Variants in PRKCA observed in about 807,000 individuals in gnomAD.
The protein encoded by PRKCA is protein kinase C alpha, also known as protein kinase C alpha type.
PRKCA carries 27 observed loss-of-function variants against 87.0 expected under a neutral mutation model. The observed-to-expected ratio is 0.31, with a 90% CI of 0.23 to 0.43. The LOEUF (loss-of-function observed/expected upper bound fraction) is 0.43. PRKCA is among the 20% of genes least tolerant of loss of function. The pLI is 1.00. For synonymous variants in PRKCA, 329 were observed against 311.1 expected (o/e 1.06, Z -0.61); for missense variants, 518 against 852.3 (o/e 0.61, Z 4.88).
intron 2 of PRKCA, among the ~76,000 whole-genome samples, chr17:66,387,609 C>T (rs1910134176): frequency 1.3e-5 from 2 of 152,146 alleles, no homozygotes; most frequent in African/African-American, 4.8e-5. Context: ...CAATAGAAGC[C>T]GTAGGCTGGG....
intron 5 of PRKCA, among the ~76,000 whole-genome samples, chr17:66,657,969 G>A (rs1464261640): frequency 6.6e-6 from 1 of 152,156 alleles, no homozygotes; most frequent in African/African-American, 2.4e-5. Flanking sequence ...GGATACTATG[G>A]TGCATTAGTC....
intron 3 of PRKCA, among the ~76,000 whole-genome samples, chr17:66,606,623 C>A (rs1480621022): frequency 1.3e-5 from 2 of 152,118 alleles, no homozygotes; most frequent in Non-Finnish European, 2.9e-5. Context: ...TGTAATATTT[C>A]TCACATATTT....
chr17:66,679,417 G>A (rs889286688), intron 5 of PRKCA, among the ~76,000 whole-genome samples: 3 of 152,012 alleles, frequency 2.0e-5, no homozygotes, highest in Non-Finnish European at 2.9e-5. Flanking sequence ...TCCTGACCTC[G>A]TGATCCACCC....
At chr17:66,393,837 G>C (rs1910510103) in intron 2 of PRKCA, among the ~76,000 whole-genome samples, 1 of 152,106 alleles carries the variant, frequency 6.6e-6, no homozygotes, top group Non-Finnish European at 1.5e-5. Flanking sequence ...ACTTTCGGAA[G>C]CCAACGTGGG....
intron 3 of PRKCA, among the ~76,000 whole-genome samples, chr17:66,500,480 G>T (rs1179134561): frequency 6.6e-6 from 1 of 152,156 alleles, no homozygotes; most frequent in Non-Finnish European, 1.5e-5. Flanking sequence ...CCATTTTTCT[G>T]CAAATCCCAG....
At chr17:66,656,496 AGATTAATTGC>A (rs1354093634) in intron 5 of PRKCA, among the ~76,000 whole-genome samples, 1 of 150,262 alleles carries the variant, frequency 6.7e-6, no homozygotes, top group Non-Finnish European at 1.5e-5. Context: ...TTTAAGCACA[AGATTAATTGC>A]TGTGAAATTA....
At position 66,689,751 on chromosome 17, in the gene PRKCA, C is replaced by A. The variant is rs965909804; in HGVS notation, c.918+704C>A. On this transcript the variant is annotated intron_variant, in intron 8 of 16. Coordinates refer to ENST00000413366, the MANE Select transcript of PRKCA (RefSeq NM_002737.3). This position sits in a 1 kb window ranked among gnomAD's most constrained non-coding sequence, Gnocchi z 4.1. ...ACGGTTCTTTTCTGTAAGCACCTTC[C>A]TTATGTTTTAAAGGCACAACTTCTA... is the stretch of plus-strand genomic sequence containing the variant. Among the ~76,000 whole-genome samples the A allele has an allele frequency of 3.3e-5, 5 of 152,158 alleles. No homozygotes were observed. The highest frequency in any genetic ancestry group is 1.2e-4 in the African/African-American group (5 of 41,442).
At chr17:66,636,319 C>G (rs1192987155) in intron 3 of PRKCA, among the ~76,000 whole-genome samples, 1 of 152,230 alleles carries the variant, frequency 6.6e-6, no homozygotes, top group African/African-American at 2.4e-5. Flanking sequence ...TTCCATGCTC[C>G]TGCATCCCAT....
chr17:66,693,165 C>A (rs968151310), intron 8 of PRKCA, among the ~76,000 whole-genome samples: 8 of 152,204 alleles, frequency 5.3e-5, no homozygotes, highest in Non-Finnish European at 8.8e-5. Context: ...GTGACTGGAG[C>A]TCTTAGGAGC....
At chr17:66,331,237 C>T (rs1340883821) in intron 2 of PRKCA, among the ~76,000 whole-genome samples, 2 of 152,094 alleles carry the variant, frequency 1.3e-5, no homozygotes, top group Admixed American at 6.5e-5. Context: ...GACTGTATCT[C>T]GTGCTTCCTG....
intron 2 of PRKCA, among the ~76,000 whole-genome samples, chr17:66,413,894 A>G (rs1337102036): frequency 6.6e-6 from 1 of 151,988 alleles, no homozygotes; most frequent in Non-Finnish European, 1.5e-5. Flanking sequence ...GGCACCTGTA[A>G]TCTCAGCTAC....
chr17:66,744,043 C>G (rs1974217003), intron 13 of PRKCA, among the ~76,000 whole-genome samples: 1 of 152,086 alleles, frequency 6.6e-6, no homozygotes, highest in African/African-American at 2.4e-5. Flanking sequence ...CTAGTAGACC[C>G]TCCATAGTCA....
At chr17:66,734,334 G>A (rs569237793) in intron 9 of PRKCA, among the ~76,000 whole-genome samples, 71 of 152,340 alleles carry the variant, frequency 4.7e-4, no homozygotes, top group Admixed American at 1.7e-3. Context: ...TTTCTTGATC[G>A]TATGCTAAAC....
chr17:66,532,344 A>G (rs570525558), intron 3 of PRKCA, among the ~76,000 whole-genome samples: 2 of 103,610 alleles, frequency 1.9e-5, no homozygotes, highest in African/African-American at 7.5e-5. Flanking sequence ...ATAAGCATTT[A>G]TTCATCCTTG....
At chr17:66,671,481 G>A (rs1972182037) in intron 5 of PRKCA, among the ~76,000 whole-genome samples, 1 of 152,118 alleles carries the variant, frequency 6.6e-6, no homozygotes, top group South Asian at 2.1e-4. Flanking sequence ...TAGTTAATAT[G>A]TCCAAGGTGC....
chr17:66,569,478 A>C (rs543570212), intron 3 of PRKCA, among the ~76,000 whole-genome samples: 190 of 152,298 alleles, frequency 1.2e-3, no homozygotes, highest in Non-Finnish European at 2.1e-3. Flanking sequence ...CTGAGACAGG[A>C]GAATCGCTTG....
intron 2 of PRKCA, among the ~76,000 whole-genome samples, chr17:66,346,376 C>G (rs1347004243): frequency 2.0e-5 from 3 of 151,688 alleles, no homozygotes; most frequent in Non-Finnish European, 4.4e-5. Flanking sequence ...AGATTACAGG[C>G]CTGAGCCACC....
rs1375009135 is a variant in PRKCA at position 66,685,462 on chromosome 17, G to A, written c.530-1649G>A. On this transcript the variant is annotated intron_variant, in intron 5 of 16. Transcript: ENST00000413366. ...TTCTTAGGAGAAGAAATACTTGGAAGGCACAAATGGGGTATGACAAACTAT... is the reference window on the plus strand; with the variant it reads ...TTCTTAGGAGAAGAAATACTTGGAAAGCACAAATGGGGTATGACAAACTAT... Among the ~76,000 whole-genome samples the A allele has an allele frequency of 4.6e-5, 7 of 152,312 alleles. No homozygotes were observed. In the East Asian group the frequency reaches 1.4e-3, roughly 29 times the overall value.
At chr17:66,314,600 A>G (rs1905212846) in intron 2 of PRKCA, among the ~76,000 whole-genome samples, 1 of 152,148 alleles carries the variant, frequency 6.6e-6, no homozygotes, top group Admixed American at 6.5e-5. Flanking sequence ...CATGAGCAAT[A>G]GTAGATCCAT....
Sources: allele counts gnomAD v4.1 joint callset (sites outside exome capture counted in the v4.1 genomes callset), GRCh38; gene constraint gnomAD v4.1.1; non-coding constraint Gnocchi (gnomAD v3.1); transcripts MANE v1.5; gene names NCBI Gene and HGNC (gene_info 2026-07-23, HGNC 2026-07-21).